Variants in ZNF385B observed in about 807,000 individuals in gnomAD.
The protein encoded by ZNF385B is zinc finger protein 385B, also known as zinc finger protein 533.
Under a neutral mutation model 39.2 loss-of-function variants are expected in ZNF385B, and 23 were observed. The observed-to-expected ratio is 0.59, with a 90% CI of 0.42 to 0.83. The LOEUF (loss-of-function observed/expected upper bound fraction) is 0.83. Ranked by LOEUF, ZNF385B falls within the 40% of genes least tolerant of loss-of-function variation. The pLI, the probability that ZNF385B is intolerant of heterozygous loss-of-function variation, is 0.00. For synonymous variants in ZNF385B, 205 were observed against 222.6 expected (o/e 0.92, Z 0.70); for missense variants, 552 against 598.9 (o/e 0.92, Z 0.82).
intron 1 of ZNF385B, among the ~76,000 whole-genome samples, chr2:179,833,086 C>T (rs1708066808): frequency 6.6e-6 from 1 of 151,940 alleles, no homozygotes; most frequent in Non-Finnish European, 1.5e-5. Context: ...TGTGTATGTA[C>T]ATGTATATGT....
intron 4 of ZNF385B, among the ~76,000 whole-genome samples, chr2:179,521,353 G>GTTTTTT (rs56392185): frequency 0.015 from 1,614 of 108,088 alleles, 72 homozygotes; most frequent in South Asian, 0.052. Context: ...CACCTGGCCA[G>GTTTTTT]TTTTTTTTTT....
intron 1 of ZNF385B, among the ~76,000 whole-genome samples, chr2:179,831,247 T>A (rs566350678): frequency 1.3e-5 from 2 of 152,290 alleles, no homozygotes; most frequent in East Asian, 3.9e-4. Flanking sequence ...CCAGGTACTG[T>A]GCTGCAAATT....
chr2:179,757,539 G>C (rs971570413), intron 3 of ZNF385B, among the ~76,000 whole-genome samples: 3 of 152,286 alleles, frequency 2.0e-5, no homozygotes, highest in Middle Eastern at 3.4e-3. Flanking sequence ...CCTTTTGTTT[G>C]GCTATGCCCT....
chr2:179,784,831 G>A (rs565090328), intron 1 of ZNF385B, among the ~76,000 whole-genome samples: 6 of 152,162 alleles, frequency 3.9e-5, no homozygotes, highest in South Asian at 2.1e-4. Flanking sequence ...ACTTGTATAC[G>A]CCGGTGGAAG....
At chr2:179,709,543 G>A (rs372942915) in intron 3 of ZNF385B, among the ~76,000 whole-genome samples, 2 of 152,164 alleles carry the variant, frequency 1.3e-5, no homozygotes, top group South Asian at 2.1e-4. Flanking sequence ...AAATCAACAG[G>A]CAGATGAGCT....
At chr2:179,828,946 A>AAAGT (rs1001420381) in intron 1 of ZNF385B, among the ~76,000 whole-genome samples, 1 of 152,158 alleles carries the variant, frequency 6.6e-6, no homozygotes, top group Non-Finnish European at 1.5e-5. Context: ...AGAAAGAAAG[A>AAAGT]AGAAGAGAAA....
chr2:179,734,080 C>T (rs1701580914), intron 3 of ZNF385B, among the ~76,000 whole-genome samples: 1 of 152,166 alleles, frequency 6.6e-6, no homozygotes, highest in South Asian at 2.1e-4. Context: ...TCAGTTCTTA[C>T]AGACATATCT....
intron 6 of ZNF385B, among the ~76,000 whole-genome samples, chr2:179,482,835 A>G (rs1448796222): frequency 2.0e-5 from 3 of 152,148 alleles, no homozygotes; most frequent in African/African-American, 7.2e-5. Context: ...TTTTTACTAC[A>G]GTAAGAGAAC....
chr2:179,475,513 G>A (rs1312762486), intron 6 of ZNF385B, among the ~76,000 whole-genome samples: 1 of 151,656 alleles, frequency 6.6e-6, no homozygotes, highest in Non-Finnish European at 1.5e-5. Context: ...GCCTTCCAAA[G>A]TGCTGGGATT....
At chr2:179,546,800 C>A (rs2060263060) in intron 3 of ZNF385B, among the ~76,000 whole-genome samples, 1 of 140,710 alleles carries the variant, frequency 7.1e-6, no homozygotes, top group African/African-American at 2.8e-5. Flanking sequence ...TGAGGAATAA[C>A]CAAACTGTTT....
chr2:179,508,931 A>G (rs2057449863), intron 5 of ZNF385B, among the ~76,000 whole-genome samples: 1 of 151,442 alleles, frequency 6.6e-6, no homozygotes, highest in Non-Finnish European at 1.5e-5. Context: ...ATGAACATTT[A>G]TGCGTCATCA....
chr2:179,690,807 A>G (rs763002224), intron 3 of ZNF385B, among the ~76,000 whole-genome samples: 8 of 152,188 alleles, frequency 5.3e-5, no homozygotes, highest in Non-Finnish European at 1.2e-4. Context: ...GTAAATCCTT[A>G]ACAAATGACA....
intron 3 of ZNF385B, among the ~76,000 whole-genome samples, chr2:179,661,752 TATA>T (rs1559048938): frequency 6.6e-6 from 1 of 152,324 alleles, no homozygotes; most frequent in East Asian, 1.9e-4. Context: ...ATTTGCGTCT[TATA>T]ATAACTACCC....
chr2:179,819,324 G>A (rs1575549594), intron 1 of ZNF385B, among the ~76,000 whole-genome samples: 3 of 152,162 alleles, frequency 2.0e-5, no homozygotes, highest in Admixed American at 2.0e-4. Flanking sequence ...CCACTTCCGA[G>A]CCAGTGCAGA....
At chr2:179,795,055 C>A (rs555568171) in intron 1 of ZNF385B, among the ~76,000 whole-genome samples, 45 of 151,890 alleles carry the variant, frequency 3.0e-4, no homozygotes, top group Middle Eastern at 3.4e-3. Flanking sequence ...AGGAAGAGGC[C>A]AGTGGAAGCA....
intron 3 of ZNF385B, among the ~76,000 whole-genome samples, chr2:179,563,915 T>C (rs764173767): frequency 6.6e-6 from 1 of 152,210 alleles, no homozygotes; most frequent in Non-Finnish European, 1.5e-5. Flanking sequence ...CATTCTTTCT[T>C]ACCTGCTGTT....
chr2:179,787,115 A>C (rs1705052641), intron 1 of ZNF385B, among the ~76,000 whole-genome samples: 2 of 151,530 alleles, frequency 1.3e-5, no homozygotes, highest in African/African-American at 4.9e-5. Context: ...ATTATGATGG[A>C]TTTTTTTTGT....
At chr2:179,804,012 G>A (rs186153256) in intron 1 of ZNF385B, among the ~76,000 whole-genome samples, 17 of 152,238 alleles carry the variant, frequency 1.1e-4, no homozygotes, top group Middle Eastern at 6.8e-3. Context: ...AGGTCATTTG[G>A]GATCCAAAGC....
chr2:179,792,890 A>G (rs1052460965), intron 1 of ZNF385B, among the ~76,000 whole-genome samples: 4 of 152,194 alleles, frequency 2.6e-5, no homozygotes, highest in African/African-American at 9.6e-5. Flanking sequence ...CTGTTTGCAT[A>G]AGGCTGAACT....
Sources: gnomAD v4.1 joint callset for allele counts (sites outside exome capture counted in the v4.1 genomes callset) on GRCh38, gnomAD v4.1.1 for gene constraint, MANE v1.5 for transcripts, NCBI Gene and HGNC (gene_info 2026-07-23, HGNC 2026-07-21) for gene names.